The following DPP10 variants were observed in gnomAD, a reference collection of about 807,000 sequenced individuals.
DPP10 encodes the protein dipeptidyl peptidase like 10.
In DPP10, 33 loss-of-function variants were observed where a neutral mutation model predicts 120.9. The observed-to-expected ratio is 0.27, with a 90% CI of 0.21 to 0.37. The LOEUF (loss-of-function observed/expected upper bound fraction) is 0.37, where lower values mean the gene tolerates loss of function less well. Among genes scored for constraint, DPP10 ranks in the 10% least tolerant of loss-of-function variants. DPP10 has a pLI of 1.00. For missense variants in DPP10, 816 were observed against 942.8 expected, an observed-to-expected ratio of 0.87 and a Z score of 1.76; for synonymous variants, 337 against 326.1, an observed-to-expected ratio of 1.03 and a Z score of -0.36.
At chr2:114,881,420 A>G (rs1296039410) in intron 1 of DPP10, among the ~76,000 whole-genome samples, 2 of 151,792 alleles carry the variant, frequency 1.3e-5, no homozygotes, top group Admixed American at 6.6e-5. Flanking sequence ...CCATTTACCT[A>G]TCTATCACCT....
At chr2:115,710,867 A>G (rs1323799610) in intron 7 of DPP10, among the ~76,000 whole-genome samples, 5 of 152,098 alleles carry the variant, frequency 3.3e-5, no homozygotes, top group African/African-American at 9.7e-5. Flanking sequence ...TGTTACTCCC[A>G]AAGGTCATAA....
At chr2:114,762,928 A>G (rs1294640995) in intron 1 of DPP10, among the ~76,000 whole-genome samples, 1 of 152,220 alleles carries the variant, frequency 6.6e-6, no homozygotes, top group Non-Finnish European at 1.5e-5. Context: ...AGATGAGTAA[A>G]ATAGTCAATA....
intron 3 of DPP10, among the ~76,000 whole-genome samples, chr2:115,364,934 T>G (rs558751246): frequency 6.6e-6 from 1 of 152,120 alleles, no homozygotes; most frequent in African/African-American, 2.4e-5. Flanking sequence ...TTCCAAAAAT[T>G]AAAGAGAAGA....
intron 3 of DPP10, among the ~76,000 whole-genome samples, chr2:115,479,373 A>G (rs1294453660): frequency 3.3e-5 from 5 of 152,112 alleles, no homozygotes; most frequent in Non-Finnish European, 1.5e-5. Flanking sequence ...AATCATAGAC[A>G]CAGAAAGTAA....
chr2:115,835,917 T>C (rs998582825), intron 21 of DPP10, among the ~76,000 whole-genome samples: 1 of 152,050 alleles, frequency 6.6e-6, no homozygotes, highest in Non-Finnish European at 1.5e-5. Flanking sequence ...TACTTAAGGC[T>C]TATTAAAACA....
At chr2:114,595,414 T>C (rs1362374083) in intron 1 of DPP10, among the ~76,000 whole-genome samples, 1 of 152,098 alleles carries the variant, frequency 6.6e-6, no homozygotes, top group Non-Finnish European at 1.5e-5. Context: ...GATGGTTGTC[T>C]CTGAAATATG....
intron 3 of DPP10, among the ~76,000 whole-genome samples, chr2:115,453,768 G>T (rs775305289): frequency 3.3e-5 from 5 of 151,054 alleles, no homozygotes; most frequent in African/African-American, 9.7e-5. Flanking sequence ...GCAAACAGAA[G>T]GAAGAAAATA....
At chr2:115,370,395 C>T (rs541645744) in intron 3 of DPP10, among the ~76,000 whole-genome samples, 7 of 151,838 alleles carry the variant, frequency 4.6e-5, no homozygotes, top group South Asian at 2.1e-4. Flanking sequence ...AGCTTGATCT[C>T]GAAAGCTGTA....
intron 1 of DPP10, among the ~76,000 whole-genome samples, chr2:114,528,537 T>C (rs1439317248): frequency 1.3e-5 from 2 of 151,882 alleles, no homozygotes; most frequent in African/African-American, 4.8e-5. Context: ...TTTCTGGGAC[T>C]CCTATAACTG....
intron 2 of DPP10, among the ~76,000 whole-genome samples, chr2:115,326,948 C>G (rs1365528910): frequency 6.6e-6 from 1 of 151,976 alleles, no homozygotes; most frequent in Non-Finnish European, 1.5e-5. Flanking sequence ...ATAAAGTCTA[C>G]AGTAGTGTGC....
intron 2 of DPP10, among the ~76,000 whole-genome samples, chr2:115,310,638 T>A (rs1247755450): frequency 6.6e-6 from 1 of 152,146 alleles, no homozygotes; most frequent in Non-Finnish European, 1.5e-5. Flanking sequence ...AGGAACCTTT[T>A]CTTAACTGCC....
Position 115,766,917 on chromosome 2 carries a change from G to A in DPP10, c.1114-1380G>A, listed in dbSNP as rs140958981. On this transcript the variant is annotated intron_variant, in intron 12 of 25. Coordinates refer to ENST00000410059, the MANE Select transcript of DPP10 (RefSeq NM_020868.6). Reference sequence around the variant, plus strand: ...AACCATTCGTGAAGGACTCACCCCCGTGATCCAGTCACCTCCCACCAGGCC... The same window carrying A: ...AACCATTCGTGAAGGACTCACCCCCATGATCCAGTCACCTCCCACCAGGCC... 6.3e-3 allele frequency among the ~76,000 whole-genome samples: 961 copies of A among 152,292 alleles called. 14 individuals are homozygous for A. Among genetic ancestry groups the A allele is most frequent in the African/African-American group, 0.018 (733 of 41,556 alleles).
At chr2:114,466,208 C>G (rs1229705354) in intron 1 of DPP10, among the ~76,000 whole-genome samples, 1 of 152,092 alleles carries the variant, frequency 6.6e-6, no homozygotes, top group African/African-American at 2.4e-5. Flanking sequence ...AGAAATGTAT[C>G]AGAACATTCT....
At chr2:114,742,132 G>A (rs530083291) in intron 1 of DPP10, among the ~76,000 whole-genome samples, 1 of 152,066 alleles carries the variant, frequency 6.6e-6, no homozygotes, top group African/African-American at 2.4e-5. Context: ...TACACAAAAA[G>A]TCAACATTGT....
intron 1 of DPP10, among the ~76,000 whole-genome samples, chr2:114,782,085 T>C (rs1682380097): frequency 6.6e-6 from 1 of 152,024 alleles, no homozygotes; most frequent in African/African-American, 2.4e-5. Context: ...GAATCATGAG[T>C]CTTCAAAGTC....
intron 5 of DPP10, among the ~76,000 whole-genome samples, chr2:115,609,098 A>T (rs1263338602): frequency 1.3e-5 from 2 of 152,152 alleles, no homozygotes; most frequent in Admixed American, 6.6e-5. Flanking sequence ...AAAATAAACT[A>T]TTCCAAAGAA....
chr2:114,725,417 TCCTTACATGACCTTCTTACCTTTAG>T, intron 1 of DPP10, among the ~76,000 whole-genome samples: 1 of 152,318 alleles, frequency 6.6e-6, no homozygotes, highest in South Asian at 2.1e-4. Context: ...GTAGACTATT[TCCTTACATGACCTTCTTACCTTTAG>T]CCTTGGCTCC....
At chr2:115,114,433 A>G (rs191386621) in intron 1 of DPP10, among the ~76,000 whole-genome samples, 1 of 152,326 alleles carries the variant, frequency 6.6e-6, no homozygotes, top group East Asian at 1.9e-4. Context: ...GCATTCTACT[A>G]TGTCTGCATG....
intron 11 of DPP10, among the ~76,000 whole-genome samples, chr2:115,757,536 T>C (rs1462056129): frequency 2.6e-5 from 4 of 152,000 alleles, no homozygotes; most frequent in African/African-American, 7.2e-5. Flanking sequence ...AAAGGAAAGA[T>C]TCGCCCCCGT....
Sources: gnomAD v4.1 joint callset for allele counts (sites outside exome capture counted in the v4.1 genomes callset) on GRCh38, gnomAD v4.1.1 for gene constraint, MANE v1.5 for transcripts, NCBI Gene and HGNC (gene_info 2026-07-23, HGNC 2026-07-21) for gene names.